RORB: variants seen among roughly 807,000 people sequenced by gnomAD.
RORB encodes the protein nuclear receptor ROR-beta.
RORB carries 6 observed loss-of-function variants against 59.1 expected under a neutral mutation model. The ratio of observed to expected loss-of-function variants is 0.10; its 90% CI spans 0.06 to 0.20. The LOEUF is 0.20. Ranked by LOEUF, RORB falls within the 10% of genes least tolerant of loss-of-function variation. The pLI is 1.00. For synonymous variants in RORB, 215 were observed against 204.5 expected (o/e 1.05, Z -0.44); for missense variants, 320 against 560.5 (o/e 0.57, Z 4.33).
intron 1 of RORB, among the ~76,000 whole-genome samples, chr9:74,556,379 C>T (rs1276752116): frequency 1.3e-5 from 2 of 152,080 alleles, no homozygotes; most frequent in Non-Finnish European, 2.9e-5. Context: ...TCAAAAGGAA[C>T]TCTTGCTTTT....
At position 74,689,598 on chromosome 9, in the gene RORB, T is replaced by C. The variant is rs2118593046; in HGVS notation, c.*3980T>C. On this transcript the variant is annotated 3_prime_UTR_variant, in exon 10 of 10. Coordinates refer to ENST00000376896, the MANE Select transcript of RORB (RefSeq NM_006914.4). ...TTTCTTTGGTAGATTCCAAGAGATC[T>C]TAAATCATAATAAACTCTGAATATT... 1 of 152,334 alleles carries C rather than the reference T, an allele frequency of 6.6e-6. No homozygotes were observed. Among genetic ancestry groups the C allele is most frequent in the Non-Finnish European group, 1.5e-5 (1 of 68,030 alleles). 9.4% of individuals were successfully genotyped at this position (152,334 alleles called of 1,614,324 possible). A position where few individuals can be genotyped will look rare whatever the true frequency, so the allele number is the denominator to read the frequency against.
intron 1 of RORB, among the ~76,000 whole-genome samples, chr9:74,580,382 A>G (rs1194809138): frequency 5.9e-5 from 9 of 152,170 alleles, no homozygotes; most frequent in Admixed American, 2.6e-4. Flanking sequence ...CAAGATTTGC[A>G]TGGATACTCA....
chr9:74,644,169 T>A lies in RORB; in HGVS notation c.637+1354T>A, dbSNP rs1035626604. On this transcript the variant is annotated intron_variant, in intron 4 of 9. Transcript: ENST00000376896. ...ATTCTTGGCTACTTGTACCATCTGG[T>A]TGAGGAAGAAGCAATGTTACACAGT... Among the ~76,000 whole-genome samples the A allele has an allele frequency of 3.1e-4, 47 of 152,332 alleles. 1 individual carries two copies. The highest frequency in any genetic ancestry group is 1.0e-3 in the African/African-American group (43 of 41,588).
intron 1 of RORB, among the ~76,000 whole-genome samples, chr9:74,549,340 A>T (rs1409166427): frequency 6.6e-6 from 1 of 151,306 alleles, no homozygotes; most frequent in Non-Finnish European, 1.5e-5. Context: ...GCTACTCAGG[A>T]GGCTGAGGCA....
chr9:74,502,836 A>G (rs1271314013), intron 1 of RORB, among the ~76,000 whole-genome samples: 1 of 152,058 alleles, frequency 6.6e-6, no homozygotes, highest in Non-Finnish European at 1.5e-5. Context: ...TCAAAGGTTC[A>G]TAAGCACATA....
At chr9:74,660,169 T>A (rs2118509836) in intron 4 of RORB, among the ~76,000 whole-genome samples, 1 of 152,270 alleles carries the variant, frequency 6.6e-6, no homozygotes, top group South Asian at 2.1e-4. Context: ...TGTTTAATGC[T>A]TCCTTTAAAA....
Position 74,532,217 on chromosome 9 carries a change from A to C in RORB, c.7+34234A>C, listed in dbSNP as rs183837258. 5.3e-5 allele frequency among the ~76,000 whole-genome samples: 8 copies of C among 152,118 alleles called. No homozygotes were observed. The East Asian group carries it at 1.6e-3, about 30-fold the overall frequency. ...CTATACATAAGGGAAGTGACTAACA[A>C]TTCTGTTTCAACAGTCACATCACAT... On this transcript the variant is annotated intron_variant, in intron 1 of 9. Coordinates refer to ENST00000376896, the MANE Select transcript of RORB (RefSeq NM_006914.4).
chr9:74,596,191 C>A, intron 1 of RORB, among the ~76,000 whole-genome samples: 1 of 152,204 alleles, frequency 6.6e-6, no homozygotes, highest in South Asian at 2.1e-4. Flanking sequence ...AACACCTGTA[C>A]TTTAGAAGTA....
At chr9:74,660,768 CTG>C in intron 5 of RORB, 30 bp downstream of exon 5, 1 of 1,601,540 alleles carries the variant, frequency 6.2e-7, no homozygotes, top group Non-Finnish European at 8.5e-7. Context: ...GAAAGTTTTT[CTG>C]TGATTACCCT....
intron 1 of RORB, among the ~76,000 whole-genome samples, chr9:74,540,093 A>G (rs7861662): frequency 0.57 from 86,846 of 151,998 alleles, 25,359 homozygotes; most frequent in Non-Finnish European, 0.62. Flanking sequence ...TCTTCTAGCA[A>G]TATGGCAAAC....
chr9:74,658,720 A>G (rs1271039489), intron 4 of RORB, among the ~76,000 whole-genome samples: 1 of 152,238 alleles, frequency 6.6e-6, no homozygotes, highest in Non-Finnish European at 1.5e-5. Context: ...CTAAGTAATT[A>G]GACTGCCCCG....
At chr9:74,618,740 CGTGTGTGTGTGTATAT>C (rs1223563009) in intron 1 of RORB, among the ~76,000 whole-genome samples, 3 of 151,702 alleles carry the variant, frequency 2.0e-5, no homozygotes, top group Admixed American at 1.3e-4. Flanking sequence ...GACTTTTGCT[CGTGTGTGTGTGTATAT>C]GTGTGTGTGT....
chr9:74,645,478 G>A (rs1823880270), intron 4 of RORB, among the ~76,000 whole-genome samples: 1 of 152,098 alleles, frequency 6.6e-6, no homozygotes, highest in Non-Finnish European at 1.5e-5. Context: ...ACTTCTCTGA[G>A]TCTCAGTTGT....
At chr9:74,623,537 C>A (rs1264127528) in intron 1 of RORB, among the ~76,000 whole-genome samples, 1 of 151,768 alleles carries the variant, frequency 6.6e-6, no homozygotes, top group Non-Finnish European at 1.5e-5. Context: ...GACCACTTTT[C>A]CAGAATCCAG....
intron 1 of RORB, among the ~76,000 whole-genome samples, chr9:74,520,158 A>C (rs1327634667): frequency 6.6e-6 from 1 of 151,956 alleles, no homozygotes; most frequent in Non-Finnish European, 1.5e-5. Context: ...GAAAAAAAAA[A>C]TCAGCGGCTT....
intron 1 of RORB, among the ~76,000 whole-genome samples, chr9:74,569,893 T>C (rs534760918): frequency 6.6e-6 from 1 of 152,188 alleles, no homozygotes; most frequent in Non-Finnish European, 1.5e-5. Flanking sequence ...ATTTGGAAAC[T>C]CTTGAAATTT....
intron 1 of RORB, among the ~76,000 whole-genome samples, chr9:74,570,165 A>G (rs1306019248): frequency 6.6e-6 from 1 of 152,086 alleles, no homozygotes; most frequent in African/African-American, 2.4e-5. Context: ...TAATGGAAGG[A>G]TGTTTTCCAT....
intron 9 of RORB, among the ~76,000 whole-genome samples, chr9:74,682,885 C>T (rs561845130): frequency 3.3e-5 from 5 of 152,284 alleles, no homozygotes; most frequent in African/African-American, 1.2e-4. Context: ...AGCCACTGTG[C>T]CTGGCTCAAC....
At chr9:74,564,479 A>T (rs1369518302) in intron 1 of RORB, among the ~76,000 whole-genome samples, 1 of 152,158 alleles carries the variant, frequency 6.6e-6, no homozygotes, top group East Asian at 1.9e-4. Flanking sequence ...TAACCTGCAA[A>T]TTACTGTAAC....
Sources: allele counts gnomAD v4.1 joint callset (sites outside exome capture counted in the v4.1 genomes callset), GRCh38; gene constraint gnomAD v4.1.1; transcripts MANE v1.5; gene names NCBI Gene and HGNC (gene_info 2026-07-23, HGNC 2026-07-21).